The following PRMT3 variants were observed in gnomAD, a reference collection of about 807,000 sequenced individuals.
PRMT3 encodes protein arginine methyltransferase 3.
In PRMT3, 62 loss-of-function variants were observed where a neutral mutation model predicts 71.9. The ratio of observed to expected loss-of-function variants is 0.86; its 90% CI spans 0.70 to 1.07. PRMT3 has a LOEUF of 1.07. Ranked by LOEUF, PRMT3 falls within the 50% of genes least tolerant of loss-of-function variation. The pLI is 0.00. For missense variants in PRMT3, 663 were observed against 643.0 expected (o/e 1.03, Z -0.34); for synonymous variants, 213 against 220.4 (o/e 0.97, Z 0.30).
intron 8 of PRMT3, among the ~76,000 whole-genome samples, chr11:20,404,389 A>C (rs1413111705): frequency 5.9e-5 from 9 of 151,542 alleles, no homozygotes; most frequent in Non-Finnish European, 1.3e-4. Context: ...ACGTGCCACC[A>C]CGCCCAGCTA....
intron 10 of PRMT3, among the ~76,000 whole-genome samples, chr11:20,428,874 GT>G (rs1849599806): frequency 6.6e-6 from 1 of 152,086 alleles, no homozygotes; most frequent in African/African-American, 2.4e-5. Context: ...TTCTTTTGTG[GT>G]TCCACTTCCC....
At chr11:20,501,589 A>G (rs914775071) in intron 15 of PRMT3, among the ~76,000 whole-genome samples, 1 of 152,186 alleles carries the variant, frequency 6.6e-6, no homozygotes, top group South Asian at 2.1e-4. Context: ...TTAGATAAAA[A>G]TAAATGAAGC....
At chr11:20,404,220 T>TTGTTTTTG (rs1849017247) in intron 8 of PRMT3, among the ~76,000 whole-genome samples, 4 of 20,098 alleles carry the variant, frequency 2.0e-4, no homozygotes, top group African/African-American at 4.8e-4. Flanking sequence ...AGTTTTTTTT[T>TTGTTTTTG]TTTTTTTTTT....
At position 20,421,301 on chromosome 11, in the gene PRMT3, A is replaced by G. The variant is rs1277883299; in HGVS notation, c.894-5465A>G. 3.9e-5 allele frequency among the ~76,000 whole-genome samples: 6 copies of G among 152,236 alleles called. No homozygotes were observed. In the Middle Eastern group the frequency reaches 0.01, roughly 259 times the overall value. On this transcript the variant is annotated intron_variant, in intron 9 of 15. Coordinates refer to ENST00000331079, the MANE Select transcript of PRMT3 (RefSeq NM_005788.4). Reference sequence around the variant, plus strand: ...AATCCTCCCGTCTTGGCCTCTCAAGATGCTGGTATTATAAGCATGAGCCAC... The same window carrying G: ...AATCCTCCCGTCTTGGCCTCTCAAGGTGCTGGTATTATAAGCATGAGCCAC...
At chr11:20,481,369 C>T (rs2133434174) in intron 13 of PRMT3, among the ~76,000 whole-genome samples, 1 of 151,884 alleles carries the variant, frequency 6.6e-6, no homozygotes, top group Admixed American at 6.6e-5. Context: ...ATGTGAGAAA[C>T]ACATCTGCTG....
chr11:20,399,128 A>G (rs139867501), intron 7 of PRMT3, among the ~76,000 whole-genome samples: 1 of 152,232 alleles, frequency 6.6e-6, no homozygotes, highest in Non-Finnish European at 1.5e-5. Context: ...TTTATCTCTG[A>G]ATTTTAGATG....
At chr11:20,419,785 A>C (rs1187617869) in intron 9 of PRMT3, among the ~76,000 whole-genome samples, 1 of 152,186 alleles carries the variant, frequency 6.6e-6, no homozygotes, top group African/African-American at 2.4e-5. Context: ...TGAGGTCTTT[A>C]TAACTTTTAT....
chr11:20,489,317 TC>T (rs1016092121), intron 13 of PRMT3, among the ~76,000 whole-genome samples: 4 of 152,348 alleles, frequency 2.6e-5, no homozygotes, highest in African/African-American at 9.6e-5. Context: ...AATGCTTTTT[TC>T]CCCCTCAGCA....
intron 13 of PRMT3, among the ~76,000 whole-genome samples, chr11:20,467,917 G>A (rs1338315140): frequency 6.6e-6 from 1 of 152,150 alleles, no homozygotes; most frequent in African/African-American, 2.4e-5. Flanking sequence ...CTTTGGGATG[G>A]TATCAGCTCC....
At chr11:20,419,755 A>G (rs1276515246) in intron 9 of PRMT3, among the ~76,000 whole-genome samples, 1 of 152,184 alleles carries the variant, frequency 6.6e-6, no homozygotes, top group Non-Finnish European at 1.5e-5. Flanking sequence ...CATTTTTATC[A>G]AGAATCAAGC....
intron 7 of PRMT3, 128 bp downstream of exon 7, chr11:20,397,849 T>C (rs1302228134): frequency 2.1e-5 from 19 of 892,994 alleles, no homozygotes; most frequent in Admixed American, 3.1e-5. Flanking sequence ...TTTAAACACC[T>C]CTTTGGTGCT....
chr11:20,504,105 T>C (rs1273547945), intron 15 of PRMT3, among the ~76,000 whole-genome samples: 1 of 152,244 alleles, frequency 6.6e-6, no homozygotes, highest in Non-Finnish European at 1.5e-5. Context: ...TGGCCATTTT[T>C]ATATCTTCTT....
intron 9 of PRMT3, among the ~76,000 whole-genome samples, chr11:20,412,427 A>G (rs1250788408): frequency 6.6e-6 from 1 of 151,646 alleles, no homozygotes; most frequent in Admixed American, 6.6e-5. Context: ...TTGAAGTATC[A>G]GAGAGTTCCT....
chr11:20,403,023 G>A (rs1848984436), intron 8 of PRMT3, 39 bp downstream of exon 8: 1 of 1,443,256 alleles, frequency 6.9e-7, no homozygotes, highest in Non-Finnish European at 9.7e-7. Context: ...ATTTCATCTT[G>A]TTCTTGGGCA....
chr11:20,404,073 A>C (rs1250382881), intron 8 of PRMT3, among the ~76,000 whole-genome samples: 1 of 151,958 alleles, frequency 6.6e-6, no homozygotes, highest in Non-Finnish European at 1.5e-5. Context: ...GCACCTCGTG[A>C]AAAGTTTATA....
At chr11:20,421,086 T>C (rs1240143040) in intron 9 of PRMT3, among the ~76,000 whole-genome samples, 1 of 152,170 alleles carries the variant, frequency 6.6e-6, no homozygotes, top group Non-Finnish European at 1.5e-5. Flanking sequence ...TCATCCAGGC[T>C]GGAGTGCACT....
At chr11:20,467,514 G>A (rs1298937681) in intron 13 of PRMT3, among the ~76,000 whole-genome samples, 1 of 152,172 alleles carries the variant, frequency 6.6e-6, no homozygotes, top group East Asian at 1.9e-4. Flanking sequence ...GTAGAAGAAA[G>A]CAGGCTTCGT....
intron 11 of PRMT3, among the ~76,000 whole-genome samples, chr11:20,457,156 T>C (rs754998329): frequency 3.3e-5 from 5 of 152,164 alleles, no homozygotes; most frequent in Non-Finnish European, 7.4e-5. Flanking sequence ...TTTTGCCTTG[T>C]CATCTCATTC....
In PRMT3 at chr11:20,479,296, A is replaced by G. The variant is rs150923028; in HGVS notation, c.1348-14623A>G. Among the ~76,000 whole-genome samples, 7 of 152,320 alleles carry G rather than the reference A, an allele frequency of 4.6e-5. No individual in the cohort carries two copies. In the East Asian group the frequency reaches 1.3e-3, roughly 29 times the overall value. ...GGAAACGTTCTTTGAGTAGTAGCAT[A>G]TGCTAGGAGCTGAGAGGTATTGGGA... On this transcript the variant is annotated intron_variant, in intron 13 of 15. Coordinates refer to ENST00000331079, the MANE Select transcript of PRMT3 (RefSeq NM_005788.4).
Sources: gnomAD v4.1 joint callset for allele counts (sites outside exome capture counted in the v4.1 genomes callset) on GRCh38, gnomAD v4.1.1 for gene constraint, MANE v1.5 for transcripts, NCBI Gene and HGNC (gene_info 2026-07-23, HGNC 2026-07-21) for gene names.